Variants in HMCN1 observed in about 807,000 individuals in gnomAD.
HMCN1 encodes the protein hemicentin 1.
A neutral mutation model predicts 625.9 loss-of-function variants in HMCN1; 321 were observed. The observed-to-expected ratio is 0.51, with a 90% CI of 0.47 to 0.56. HMCN1 has a LOEUF of 0.56. HMCN1 is among the 20% of genes least tolerant of loss of function. HMCN1 has a pLI of 0.00. For synonymous variants in HMCN1, 2,425 were observed against 2,417.6 expected (o/e 1.00, Z -0.09); for missense variants, 6,588 against 6,887.3 (o/e 0.96, Z 1.54).
At chr1:185,831,073 T>C (rs1660827202) in intron 1 of HMCN1, among the ~76,000 whole-genome samples, 1 of 152,206 alleles carries the variant, frequency 6.6e-6, no homozygotes, top group Non-Finnish European at 1.5e-5. Flanking sequence ...GTGAGCATGA[T>C]ATTGACATCA....
At chr1:186,063,044 GT>G (rs1285486096) in intron 48 of HMCN1, among the ~76,000 whole-genome samples, 1 of 108,286 alleles carries the variant, frequency 9.2e-6, no homozygotes, top group African/African-American at 3.8e-5. Flanking sequence ...ATGTGTGTGT[GT>G]GTGTGTGTGT....
In HMCN1 at chr1:186,065,271, A is replaced by G; in HGVS notation, c.7547A>G (p.Asp2516Gly). The part of the protein sequence containing the change: ...NPVPEITWHK[D>G]GQPLQEDEAH... ...GTGCCAGAAATTACATGGCACAAAG[A>G]TGGGCAGCCCCTCCAAGAAGATGAA... The change falls in exon 49 of 107, where the codon GAT becomes GGT. Residue 2516 changes from aspartate (D) to glycine (G), a missense_variant. By Grantham distance (94) the Asp-to-Gly change is moderately conservative. Transcript: ENST00000271588. 1 of 1,612,516 alleles carries G rather than the reference A, an allele frequency of 6.2e-7. No homozygotes were observed. The highest frequency in any genetic ancestry group is 8.5e-7 in the Non-Finnish European group (1 of 1,179,824).
chr1:186,078,399 A>C (rs1298645321), intron 55 of HMCN1, among the ~76,000 whole-genome samples, 179 bp downstream of exon 55: 1 of 152,206 alleles, frequency 6.6e-6, no homozygotes, highest in Admixed American at 6.5e-5. Context: ...AGGACTCTTG[A>C]AGTATTAAGA....
At chr1:185,912,188 A>G (rs1666462343) in intron 6 of HMCN1, among the ~76,000 whole-genome samples, 1 of 152,170 alleles carries the variant, frequency 6.6e-6, no homozygotes, top group Non-Finnish European at 1.5e-5. Context: ...GGGGAGCAGA[A>G]CTTCTCTGTG....
chr1:185,795,496 A>G (rs1212707958), intron 1 of HMCN1, among the ~76,000 whole-genome samples: 1 of 152,286 alleles, frequency 6.6e-6, no homozygotes, highest in South Asian at 2.1e-4. Flanking sequence ...CATGCCAAGG[A>G]TGCAACTCAA....
chr1:185,890,522 G>C (rs543008933), intron 4 of HMCN1, among the ~76,000 whole-genome samples: 2 of 139,804 alleles, frequency 1.4e-5, no homozygotes, highest in South Asian at 2.2e-4. Flanking sequence ...CTTTGTTCTC[G>C]TTGGTTTCAA....
rs1050030078 is a variant in HMCN1 at position 186,061,884 on chromosome 1, T to C, written c.7346T>C (p.Met2449Thr). 1 of 1,613,008 alleles carries C rather than the reference T, an allele frequency of 6.2e-7. No homozygotes were observed. The highest frequency in any genetic ancestry group is 1.1e-5 in the South Asian group (1 of 91,034). Residue 2449 changes from methionine (M) to threonine (T), a missense_variant, in exon 47 of 107, where the codon ATG becomes ACG. By Grantham distance (81) the Met-to-Thr change is moderately conservative. Around this residue, in one of 3 missense-constraint regions of HMCN1, gnomAD observed 4,628 missense variants for 4,853.1 expected, o/e 0.95. Transcript: ENST00000271588. The stretch of plus-strand genomic sequence containing the variant: ...ATGCTACGGCTGATGCAGACCACAA[T>C]GGAAGATGCTGGCCAATATACTTGC... ...GRMLRLMQTT[M>T]EDAGQYTCVV...
In HMCN1 at chr1:185,949,413, A is replaced by G. The variant is rs913876760; in HGVS notation, c.1829-13105A>G. Reference sequence around the variant, plus strand: ...GGGCTGTACCCTGTAGCATTCCGAGAACAGGCCTGAATTCTGAGAAGGGAA... The same window carrying G: ...GGGCTGTACCCTGTAGCATTCCGAGGACAGGCCTGAATTCTGAGAAGGGAA... On this transcript the variant is annotated intron_variant, in intron 11 of 106. Transcript: ENST00000271588. Among the ~76,000 whole-genome samples the G allele has an allele frequency of 4.2e-4, 64 of 151,818 alleles. 1 individual carries two copies. Among genetic ancestry groups the G allele is most frequent in the Middle Eastern group, 3.4e-3 (1 of 294 alleles).
chr1:186,023,269 T>C, intron 36 of HMCN1, 116 bp downstream of exon 36: 1 of 894,460 alleles, frequency 1.1e-6, no homozygotes, highest in Non-Finnish European at 1.7e-6. Context: ...TTTCTTAGTC[T>C]GTATAAAAAA....
Position 186,001,288 on chromosome 1 carries a change from C to G in HMCN1, c.4070-10C>G. The G allele has an allele frequency of 6.2e-7, 1 of 1,609,192 alleles. No individual in the cohort carries two copies. The highest frequency in any genetic ancestry group is 8.5e-7 in the Non-Finnish European group (1 of 1,176,428). ...GAAACTAGCTAGCTATGACTCCTCT[C>G]TTTTTGCAGTTCCTCCAGTAATTAA... On this transcript the variant is annotated splice_polypyrimidine_tract_variant and intron_variant, in intron 26 of 106. Transcript: ENST00000271588.
Position 185,896,527 on chromosome 1 carries a change from A to T in HMCN1, c.622-12810A>T, listed in dbSNP as rs111637775. Among the ~76,000 whole-genome samples the T allele has an allele frequency of 3.0e-3, 462 of 152,360 alleles. 2 individuals are homozygous for T. The highest frequency in any genetic ancestry group is 4.0e-3 in the Admixed American group (61 of 15,308). On this transcript the variant is annotated intron_variant, in intron 4 of 106. Transcript: ENST00000271588. ...CTATGATTCTTTATTTTACATGTTTACATAGAATTTATTACTGTTATGATA... is the reference window on the plus strand; with the variant it reads ...CTATGATTCTTTATTTTACATGTTTTCATAGAATTTATTACTGTTATGATA...
chr1:185,931,994 T>C (rs561132706), intron 10 of HMCN1, among the ~76,000 whole-genome samples: 1 of 152,294 alleles, frequency 6.6e-6, no homozygotes, highest in South Asian at 2.1e-4. Flanking sequence ...CCCAGTTAAA[T>C]TTGAATATCA....
intron 68 of HMCN1, among the ~76,000 whole-genome samples, chr1:186,101,856 A>G (rs1660397916): frequency 6.6e-6 from 1 of 152,168 alleles, no homozygotes; most frequent in African/African-American, 2.4e-5. Flanking sequence ...TGTTTTGAGT[A>G]GTACAAACAA....
At chr1:186,115,103 T>A (rs1661070952) in intron 74 of HMCN1, among the ~76,000 whole-genome samples, 155 bp from the exon 75 acceptor site, 1 of 152,222 alleles carries the variant, frequency 6.6e-6, no homozygotes, top group Non-Finnish European at 1.5e-5. Context: ...TTAGTATAGT[T>A]AATATCATCA....
intron 89 of HMCN1, among the ~76,000 whole-genome samples, chr1:186,143,382 T>C (rs1013486099): frequency 2.0e-5 from 3 of 152,164 alleles, no homozygotes; most frequent in Non-Finnish European, 4.4e-5. Flanking sequence ...AACAAAAATA[T>C]GACCTGGTAT....
intron 71 of HMCN1, among the ~76,000 whole-genome samples, chr1:186,109,843 T>C (rs753780771): frequency 1.3e-5 from 2 of 152,234 alleles, no homozygotes; most frequent in Non-Finnish European, 2.9e-5. Context: ...GGATTCTGGT[T>C]AAATCACTCA....
At chr1:186,053,682 T>G (rs886360290) in intron 43 of HMCN1, 143 bp from the exon 44 acceptor site, 1 of 789,452 alleles carries the variant, frequency 1.3e-6, no homozygotes, top group Middle Eastern at 2.9e-4. Flanking sequence ...TGCTCCTTCA[T>G]TTTACACACT....
chr1:185,951,426 GA>G (rs559580486), intron 11 of HMCN1, among the ~76,000 whole-genome samples: 79 of 151,360 alleles, frequency 5.2e-4, no homozygotes, highest in African/African-American at 1.8e-3. Flanking sequence ...CCCTTGAAAA[GA>G]AGGTAATGTG....
chr1:185,946,951 T>G (rs532199395), intron 11 of HMCN1, among the ~76,000 whole-genome samples: 13 of 152,366 alleles, frequency 8.5e-5, no homozygotes, highest in South Asian at 8.3e-4. Flanking sequence ...CATTAAAATC[T>G]AATCTAGCAC....
Sources: gnomAD v4.1 joint callset for allele counts (sites outside exome capture counted in the v4.1 genomes callset) on GRCh38, gnomAD v4.1.1 for gene constraint, gnomAD v4.1.1 regional missense constraint, MANE v1.5 for transcripts, NCBI Gene and HGNC (gene_info 2026-07-23, HGNC 2026-07-21) for gene names.